The following CADPS2 variants were observed in gnomAD, a reference collection of about 807,000 sequenced individuals.
CADPS2 encodes calcium-dependent secretion activator 2.
In CADPS2, 93 loss-of-function variants were observed where a neutral mutation model predicts 172.5. The observed-to-expected ratio is 0.54, with a 90% confidence interval of 0.46 to 0.64. CADPS2 has a LOEUF of 0.64. Among genes scored for constraint, CADPS2 ranks in the 30% least tolerant of loss-of-function variants. The pLI is 0.00. For missense variants in CADPS2, 1,420 were observed against 1,565.9 expected, an observed-to-expected ratio of 0.91 and a Z score of 1.57; for synonymous variants, 546 against 555.2, an observed-to-expected ratio of 0.98 and a Z score of 0.23.
chr7:122,864,807 T>C (rs1817867525), intron 1 of CADPS2, among the ~76,000 whole-genome samples: 1 of 152,162 alleles, frequency 6.6e-6, no homozygotes, highest in Admixed American at 6.6e-5. Flanking sequence ...CCTCAATAAG[T>C]AGCAACATCA....
chr7:122,522,749 C>T (rs1440896812), intron 8 of CADPS2, among the ~76,000 whole-genome samples: 4 of 150,782 alleles, frequency 2.7e-5, no homozygotes, highest in Non-Finnish European at 5.9e-5. Context: ...CCCTTCCCAG[C>T]CTCTGGTAAT....
At position 122,319,875 on chromosome 7, in the gene CADPS2, T is replaced by A; in HGVS notation, c.*290A>T. 3.5e-6 allele frequency: 1 copy of A among 286,218 alleles called. No individual in the cohort carries two copies. The highest frequency in any genetic ancestry group is 6.4e-6 in the Non-Finnish European group (1 of 155,560). The allele number at this position is 286,218 out of a possible 1,614,324, so 17.7% of individuals were successfully genotyped here. On this transcript the variant is annotated 3_prime_UTR_variant, in exon 30 of 30. Transcript: ENST00000449022. ...TCAAATCTTCTTTAAAAAAAAAAGT[T>A]CATGTTCTGATCACAAGCAGAGCCA...
chr7:122,783,903 TG>T (rs1448432022), intron 1 of CADPS2, among the ~76,000 whole-genome samples: 1 of 152,220 alleles, frequency 6.6e-6, no homozygotes, highest in Non-Finnish European at 1.5e-5. Flanking sequence ...CTATTACCGA[TG>T]TTATGCAAAC....
chr7:122,376,868 A>C (rs923665733), intron 25 of CADPS2, among the ~76,000 whole-genome samples: 1 of 152,032 alleles, frequency 6.6e-6, no homozygotes, highest in Non-Finnish European at 1.5e-5. Context: ...AGCATGTACA[A>C]TTTTTCTGTC....
At chr7:122,734,387 GAAA>G (rs768675808) in intron 2 of CADPS2, among the ~76,000 whole-genome samples, 4 of 90,800 alleles carry the variant, frequency 4.4e-5, no homozygotes, top group African/African-American at 8.0e-5. Context: ...AAAAAAAAAA[GAAA>G]AAAAAAAAAG....
intron 2 of CADPS2, among the ~76,000 whole-genome samples, chr7:122,715,560 A>T (rs577432853): frequency 4.4e-4 from 67 of 152,272 alleles, no homozygotes; most frequent in Non-Finnish European, 8.5e-4. Flanking sequence ...AACAGAGGTC[A>T]TTCTGCTTTG....
rs188488069 is a variant in CADPS2 at position 122,796,576 on chromosome 7, C to T, written c.340-59508G>A. Among the ~76,000 whole-genome samples, 38 of 152,254 alleles carry T rather than the reference C, an allele frequency of 2.5e-4. 1 individual carries two copies. In the South Asian group the frequency reaches 3.1e-3, roughly 12 times the overall value. ...AATAAGGCTGCACACCTACAACTAT[C>T]AGATCTTCAACAAACCTGACAAAAC... On this transcript the variant is annotated intron_variant, in intron 1 of 29. Coordinates refer to ENST00000449022, the MANE Select transcript of CADPS2 (RefSeq NM_017954.11).
rs558546497 is a variant in CADPS2, at chr7:122,818,479, C to T, written c.339+67520G>A. On this transcript the variant is annotated intron_variant, in intron 1 of 29. Coordinates refer to ENST00000449022, the MANE Select transcript of CADPS2 (RefSeq NM_017954.11). Reference sequence around the variant, plus strand: ...AGTCTCTGTGCCCAGTGCAACTCGTCCCAAATCTTCCTTCTTTCCCTCCCG... The same window carrying T: ...AGTCTCTGTGCCCAGTGCAACTCGTTCCAAATCTTCCTTCTTTCCCTCCCG... 3.9e-5 allele frequency among the ~76,000 whole-genome samples: 6 copies of T among 152,210 alleles called. No individual in the cohort carries two copies. In the South Asian group the frequency reaches 1.2e-3, roughly 32 times the overall value.
At chr7:122,842,028 G>A (rs994458094) in intron 1 of CADPS2, among the ~76,000 whole-genome samples, 1 of 152,206 alleles carries the variant, frequency 6.6e-6, no homozygotes, top group Non-Finnish European at 1.5e-5. Flanking sequence ...AGCAGCAGCT[G>A]AGTTGTTACC....
intron 6 of CADPS2, among the ~76,000 whole-genome samples, chr7:122,598,229 C>T (rs540160573): frequency 2.4e-4 from 36 of 151,722 alleles, no homozygotes; most frequent in African/African-American, 8.2e-4. Flanking sequence ...TCTACCTTTG[C>T]TACAAAGATT....
intron 24 of CADPS2, among the ~76,000 whole-genome samples, chr7:122,384,747 A>G (rs1585480085): frequency 6.6e-6 from 1 of 152,242 alleles, no homozygotes; most frequent in East Asian, 1.9e-4. Flanking sequence ...CACATAATGA[A>G]CAGTAGTAGA....
At chr7:122,486,253 T>C (rs1014288383) in intron 11 of CADPS2, among the ~76,000 whole-genome samples, 6 of 151,764 alleles carry the variant, frequency 4.0e-5, no homozygotes, top group African/African-American at 1.5e-4. Context: ...ATGAGACATC[T>C]GGGAAAAGTA....
intron 3 of CADPS2, among the ~76,000 whole-genome samples, chr7:122,645,514 TTA>T (rs376523760): frequency 0.54 from 60,527 of 112,040 alleles, 17,372 homozygotes; most frequent in East Asian, 0.73. Flanking sequence ...ATATATATAC[TTA>T]TATATATATA....
At chr7:122,660,644 C>T (rs2080424080) in intron 3 of CADPS2, among the ~76,000 whole-genome samples, 1 of 151,498 alleles carries the variant, frequency 6.6e-6, no homozygotes, top group Admixed American at 6.6e-5. Flanking sequence ...AGCGCTGTGG[C>T]TCACACCTGT....
chr7:122,510,225 C>T (rs2059914591), intron 9 of CADPS2, among the ~76,000 whole-genome samples: 1 of 151,984 alleles, frequency 6.6e-6, no homozygotes. Flanking sequence ...TCTTCGAAAT[C>T]ACTGTTCTTT....
At chr7:122,333,373 A>C (rs889713519) in intron 28 of CADPS2, among the ~76,000 whole-genome samples, 11 of 152,208 alleles carry the variant, frequency 7.2e-5, no homozygotes, top group African/African-American at 2.7e-4. Context: ...AATGGGACAC[A>C]TTCCAAAATC....
At chr7:122,471,078 G>A (rs530557811) in intron 14 of CADPS2, among the ~76,000 whole-genome samples, 4 of 152,200 alleles carry the variant, frequency 2.6e-5, no homozygotes, top group Non-Finnish European at 4.4e-5. Flanking sequence ...GATACTTAAG[G>A]CTATTCAGAC....
chr7:122,475,054 G>C (rs1396208414), intron 12 of CADPS2, among the ~76,000 whole-genome samples: 51 of 152,272 alleles, frequency 3.3e-4, no homozygotes, highest in Non-Finnish European at 7.4e-5. Flanking sequence ...ACAGGAAAAA[G>C]GGAGCATCAT....
intron 14 of CADPS2, among the ~76,000 whole-genome samples, chr7:122,452,561 A>T (rs902669597): frequency 6.6e-5 from 10 of 151,972 alleles, no homozygotes; most frequent in Non-Finnish European, 1.5e-4. Flanking sequence ...ATGCTTGGCT[A>T]ATTTTTGTAT....
Sources: allele counts gnomAD v4.1 joint callset (sites outside exome capture counted in the v4.1 genomes callset), GRCh38; gene constraint gnomAD v4.1.1; transcripts MANE v1.5; gene names NCBI Gene and HGNC (gene_info 2026-07-23, HGNC 2026-07-21).